PTPRD: variants seen among roughly 807,000 people sequenced by gnomAD.
PTPRD encodes receptor-type tyrosine-protein phosphatase delta.
PTPRD carries 34 observed loss-of-function variants against 214.5 expected under a neutral mutation model. That is an observed-to-expected ratio of 0.16 (90% CI 0.12 to 0.21). The LOEUF (loss-of-function observed/expected upper bound fraction) is 0.21, where lower values mean the gene tolerates loss of function less well. PTPRD is among the 10% of genes least tolerant of loss of function. The probability of loss-of-function intolerance (pLI) is 1.00; values close to 1 mark genes in which losing one functional copy is unlikely to be tolerated. For synonymous variants in PTPRD, 1,128 were observed against 845.7 expected (o/e 1.33, Z -5.79); for missense variants, 2,545 against 2,398.7 (o/e 1.06, Z -1.27).
At chr9:10,590,833 G>A (rs543137947) in intron 2 of PTPRD, among the ~76,000 whole-genome samples, 5 of 151,528 alleles carry the variant, frequency 3.3e-5, no homozygotes, top group African/African-American at 7.3e-5. Context: ...AACTACATAA[G>A]TCACTATTAG....
intron 11 of PTPRD, among the ~76,000 whole-genome samples, chr9:9,010,024 C>G (rs991414917): frequency 1.6e-4 from 25 of 151,968 alleles, no homozygotes; most frequent in Non-Finnish European, 2.9e-5. Flanking sequence ...ACATGACCAG[C>G]CTGACAAAGA....
intron 9 of PTPRD, among the ~76,000 whole-genome samples, chr9:9,301,728 G>T (rs1955388194): frequency 6.6e-6 from 1 of 151,840 alleles, no homozygotes; most frequent in South Asian, 2.1e-4. Flanking sequence ...CTATAAAATT[G>T]TATTGATTGC....
intron 8 of PTPRD, among the ~76,000 whole-genome samples, chr9:9,463,415 A>C (rs2093846858): frequency 1.3e-5 from 2 of 152,032 alleles, no homozygotes; most frequent in Non-Finnish European, 2.9e-5. Flanking sequence ...ATTTGGAGAG[A>C]GCTCCAGAGA....
chr9:10,231,467 A>G (rs1320608889), intron 3 of PTPRD, among the ~76,000 whole-genome samples: 2 of 151,984 alleles, frequency 1.3e-5, no homozygotes, highest in Non-Finnish European at 2.9e-5. Flanking sequence ...TGGTAAATTT[A>G]TGGAAATTAT....
At chr9:8,778,817 A>C (rs1455355362) in intron 11 of PTPRD, among the ~76,000 whole-genome samples, 1 of 152,198 alleles carries the variant, frequency 6.6e-6, no homozygotes, top group East Asian at 1.9e-4. Context: ...AAATGGAAAT[A>C]ATATCATACA....
intron 3 of PTPRD, among the ~76,000 whole-genome samples, chr9:10,231,562 G>C (rs1458342259): frequency 6.7e-6 from 1 of 149,344 alleles, no homozygotes; most frequent in Non-Finnish European, 1.5e-5. Flanking sequence ...GGGTAGGGAG[G>C]AGGTGGTGCA....
intron 2 of PTPRD, among the ~76,000 whole-genome samples, chr9:10,407,291 A>T (rs1400604560): frequency 6.6e-6 from 1 of 151,588 alleles, no homozygotes; most frequent in Non-Finnish European, 1.5e-5. Flanking sequence ...TGGTGTGATA[A>T]TTGGATGAAT....
At chr9:9,274,856 G>A in intron 9 of PTPRD, among the ~76,000 whole-genome samples, 1 of 148,772 alleles carries the variant, frequency 6.7e-6, no homozygotes, top group Admixed American at 6.9e-5. Context: ...TATTCATATA[G>A]GTTTAGATAG....
At chr9:10,428,311 G>GA (rs955764298) in intron 2 of PTPRD, among the ~76,000 whole-genome samples, 6 of 151,702 alleles carry the variant, frequency 4.0e-5, no homozygotes, top group East Asian at 3.9e-4. Flanking sequence ...TGTCTTGGGG[G>GA]AAAAAAAATC....
intron 8 of PTPRD, among the ~76,000 whole-genome samples, chr9:9,445,782 G>T (rs150331538): frequency 1.8e-3 from 272 of 152,164 alleles, no homozygotes; most frequent in Non-Finnish European, 3.1e-3. Flanking sequence ...TTTGGGTGGG[G>T]ACACAGCCAA....
At chr9:8,529,473 A>T (rs1352745374) in intron 14 of PTPRD, among the ~76,000 whole-genome samples, 2 of 152,178 alleles carry the variant, frequency 1.3e-5, no homozygotes, top group Admixed American at 1.3e-4. Flanking sequence ...CATGTTCCTT[A>T]CAGGGATAAG....
chr9:9,882,496 A>C (rs1467622454), intron 5 of PTPRD, among the ~76,000 whole-genome samples: 1 of 152,138 alleles, frequency 6.6e-6, no homozygotes, highest in Admixed American at 6.6e-5. Flanking sequence ...TTTATTTTAT[A>C]AAAGGGCTCT....
intron 2 of PTPRD, among the ~76,000 whole-genome samples, chr9:10,517,853 T>C (rs1269228427): frequency 6.6e-6 from 1 of 152,178 alleles, no homozygotes; most frequent in Non-Finnish European, 1.5e-5. Flanking sequence ...ATTTAAAATG[T>C]GTGTTTAAAG....
chr9:10,011,857 T>C (rs1021385695), intron 4 of PTPRD, among the ~76,000 whole-genome samples: 2 of 151,968 alleles, frequency 1.3e-5, no homozygotes, highest in African/African-American at 4.8e-5. Flanking sequence ...CAGTAATCAG[T>C]ACCCTCAGTT....
At chr9:10,258,284 C>T (rs923752583) in intron 3 of PTPRD, among the ~76,000 whole-genome samples, 67 of 148,402 alleles carry the variant, frequency 4.5e-4, no homozygotes, top group African/African-American at 1.6e-3. Context: ...CTCTACTTCC[C>T]CGTGCATGGT....
intron 2 of PTPRD, among the ~76,000 whole-genome samples, chr9:10,573,501 C>T (rs370793957): frequency 6.6e-6 from 1 of 152,026 alleles, no homozygotes; most frequent in African/African-American, 2.4e-5. Flanking sequence ...GGCAAGATGG[C>T]CAACTAGACA....
intron 14 of PTPRD, among the ~76,000 whole-genome samples, chr9:8,566,368 A>G (rs1414791162): frequency 1.3e-5 from 2 of 152,188 alleles, no homozygotes; most frequent in African/African-American, 2.4e-5. Flanking sequence ...AGTAACAGAC[A>G]GCAGACTAGG....
intron 3 of PTPRD, among the ~76,000 whole-genome samples, chr9:10,034,198 T>C (rs2097134539): frequency 1.3e-5 from 2 of 152,080 alleles, no homozygotes; most frequent in African/African-American, 2.4e-5. Context: ...ACTAATTTGT[T>C]GATTAACCAC....
intron 3 of PTPRD, among the ~76,000 whole-genome samples, chr9:10,289,167 T>C (rs1325407997): frequency 6.6e-6 from 1 of 152,116 alleles, no homozygotes; most frequent in Non-Finnish European, 1.5e-5. Flanking sequence ...AGAAATGAGG[T>C]AGGTTATACA....
Sources: allele counts gnomAD v4.1 joint callset (sites outside exome capture counted in the v4.1 genomes callset), GRCh38; gene constraint gnomAD v4.1.1; transcripts MANE v1.5; gene names NCBI Gene and HGNC (gene_info 2026-07-23, HGNC 2026-07-21).